Variants in PHEX observed in about 807,000 individuals in gnomAD.
The protein encoded by PHEX is phosphate-regulating neutral endopeptidase PHEX.
Under a neutral mutation model 68.0 loss-of-function variants are expected in PHEX, and 16 were observed. That is an observed-to-expected ratio of 0.24 (90% CI 0.16 to 0.36). The LOEUF (loss-of-function observed/expected upper bound fraction) is 0.36, where lower values mean the gene tolerates loss of function less well. Among genes scored for constraint, PHEX ranks in the 10% least tolerant of loss-of-function variants. The pLI, the probability that PHEX is intolerant of heterozygous loss-of-function variation, is 1.00. For missense variants in PHEX, 480 were observed against 575.5 expected, an observed-to-expected ratio of 0.83 and a Z score of 1.70; for synonymous variants, 208 against 205.1, an observed-to-expected ratio of 1.01 and a Z score of -0.12.
chrX:22,165,499 G>A (rs749831636), intron 12 of PHEX, among the ~76,000 whole-genome samples: 99 of 111,283 alleles, frequency 8.9e-4, no homozygotes, highest in Non-Finnish European at 1.2e-3. Context: ...TGGAGGCAGA[G>A]GCGGAGGCGG....
At chrX:22,069,186 C>T (rs1179714592) in intron 3 of PHEX, among the ~76,000 whole-genome samples, 1 of 110,992 alleles carries the variant, frequency 9.0e-6, no homozygotes, top group Non-Finnish European at 1.9e-5. Flanking sequence ...AAATGCTATA[C>T]GAAAAAACTG....
intron 3 of PHEX, among the ~76,000 whole-genome samples, chrX:22,053,740 A>T (rs939581537): frequency 9.8e-5 from 11 of 112,106 alleles, no homozygotes; most frequent in African/African-American, 3.2e-4. Context: ...TCTATTACGG[A>T]ATAGCTATCT....
chrX:22,112,988 T>C (rs1931047116), intron 10 of PHEX, among the ~76,000 whole-genome samples: 1 of 107,029 alleles, frequency 9.3e-6, no homozygotes. Context: ...TGGGTTAAGA[T>C]ACAAAACAAG....
intron 6 of PHEX, among the ~76,000 whole-genome samples, chrX:22,091,810 T>C (rs986321346): frequency 1.8e-5 from 2 of 112,177 alleles, no homozygotes; most frequent in Non-Finnish European, 3.8e-5. Flanking sequence ...CACAGTTCCA[T>C]GTGGCTGGGG....
chrX:22,059,498 A>C (rs986101346), intron 3 of PHEX, among the ~76,000 whole-genome samples: 1 of 112,423 alleles, frequency 8.9e-6, no homozygotes, highest in African/African-American at 3.2e-5. Context: ...ACAGTAAAAA[A>C]AGTTGTGCTG....
At chrX:22,086,551 G>T (rs2147031477) in intron 5 of PHEX, among the ~76,000 whole-genome samples, 1 of 111,363 alleles carries the variant, frequency 9.0e-6, no homozygotes, top group South Asian at 3.8e-4. Context: ...ATTATCCTTT[G>T]TCTGCTTGGA....
At chrX:22,182,512 T>C (rs566407289) in intron 14 of PHEX, among the ~76,000 whole-genome samples, 1 of 111,086 alleles carries the variant, frequency 9.0e-6, no homozygotes, top group South Asian at 3.8e-4. Flanking sequence ...CCTACCCTCT[T>C]CAGTGCCTCT....
chrX:22,223,880 G>A (rs1315940676), intron 18 of PHEX, among the ~76,000 whole-genome samples: 1 of 112,923 alleles, frequency 8.9e-6, no homozygotes, highest in Non-Finnish European at 1.9e-5. Context: ...AAAGGCTCTG[G>A]AGACAGAAGA....
intron 18 of PHEX, among the ~76,000 whole-genome samples, chrX:22,223,165 C>G (rs1935326154): frequency 8.9e-6 from 1 of 111,980 alleles, no homozygotes; most frequent in Non-Finnish European, 1.9e-5. Context: ...GGGTGGCTTC[C>G]TTTGTGGATA....
intron 11 of PHEX, among the ~76,000 whole-genome samples, chrX:22,121,528 C>T (rs997949983): frequency 8.9e-6 from 1 of 111,914 alleles, no homozygotes; most frequent in Non-Finnish European, 1.9e-5. Flanking sequence ...AGGAGCCTGA[C>T]TAAACTTTGG....
At chrX:22,051,633 C>G (rs1927839341) in intron 3 of PHEX, among the ~76,000 whole-genome samples, 1 of 112,008 alleles carries the variant, frequency 8.9e-6, no homozygotes, top group African/African-American at 3.2e-5. Flanking sequence ...GCACAAGGAA[C>G]TTCTATGTAC....
At position 22,131,530 on chromosome X, in the gene PHEX, AC is replaced by A. The variant is rs1352249953; in HGVS notation, c.1303-1988del. Reference sequence around the variant, plus strand: ...AAGAAATAGCTGTGAAGCTCCCCCGACCCCCTTCCATCTGCTGTTTGTTCTT... The same window carrying A: ...AAGAAATAGCTGTGAAGCTCCCCCGACCCCTTCCATCTGCTGTTTGTTCTT... On this transcript the variant is annotated intron_variant, in intron 11 of 21. Transcript: ENST00000379374. Among the ~76,000 whole-genome samples the A allele has an allele frequency of 1.8e-5, 2 of 112,380 alleles. 1 individual carries two copies. The highest frequency in any genetic ancestry group is 5.6e-4 in the East Asian group (2 of 3,578).
intron 12 of PHEX, among the ~76,000 whole-genome samples, chrX:22,162,309 A>G (rs1440961616): frequency 8.9e-6 from 1 of 112,448 alleles, no homozygotes; most frequent in Non-Finnish European, 1.9e-5. Context: ...TTGCCTCAAT[A>G]GCTTTTCTCC....
At position 22,149,186 on chromosome X, in the gene PHEX, A is replaced by G. The variant is rs554361276; in HGVS notation, c.1404+15562A>G. 3.8e-4 allele frequency among the ~76,000 whole-genome samples: 43 copies of G among 112,030 alleles called. No individual in the cohort carries two copies. The South Asian group carries it at 0.016, about 42-fold the overall frequency. ...CTGTGTCTTTGTTTAGCTAAGGTGA[A>G]GGGGACAGGTCTGCCACCCTGGTAT... On this transcript the variant is annotated intron_variant, in intron 12 of 21. Coordinates refer to ENST00000379374, the MANE Select transcript of PHEX (RefSeq NM_000444.6).
intron 10 of PHEX, among the ~76,000 whole-genome samples, chrX:22,113,551 T>C (rs1931086609): frequency 8.9e-6 from 1 of 112,000 alleles, no homozygotes; most frequent in Non-Finnish European, 1.9e-5. Context: ...CTTGCAATGG[T>C]ATAATTGGGA....
At position 22,092,179 on chromosome X, in the gene PHEX, C is replaced by T. The variant is rs145739482; in HGVS notation, c.732+1682C>T. ...TTCTCTCAGATCTTCAGTTTCCAAG[C>T]GTGTAGCAGCTTTATTAAGGAAGTT... On this transcript the variant is annotated intron_variant, in intron 6 of 21. Transcript: ENST00000379374. 1.7e-4 allele frequency among the ~76,000 whole-genome samples: 19 copies of T among 111,297 alleles called. 1 individual carries two copies. Among genetic ancestry groups the T allele is most frequent in the East Asian group, 8.5e-4 (3 of 3,534 alleles).
intron 3 of PHEX, among the ~76,000 whole-genome samples, chrX:22,055,027 T>G (rs1928012788): frequency 9.3e-6 from 1 of 107,179 alleles, no homozygotes; most frequent in East Asian, 2.9e-4. Flanking sequence ...CAGAAAAAAT[T>G]AGCTGTGCAT....
At chrX:22,241,977 AAG>A (rs1936220249) in intron 20 of PHEX, among the ~76,000 whole-genome samples, 1 of 111,988 alleles carries the variant, frequency 8.9e-6, no homozygotes, top group Non-Finnish European at 1.9e-5. Flanking sequence ...ACAACAAAAA[AAG>A]AGAATTTTAG....
chrX:22,069,475 A>G (rs1041801621), intron 3 of PHEX, among the ~76,000 whole-genome samples: 1 of 111,953 alleles, frequency 8.9e-6, no homozygotes, highest in Admixed American at 9.5e-5. Flanking sequence ...GCAATTTTAT[A>G]TAATTAATTT....
Sources: allele counts gnomAD v4.1 joint callset (sites outside exome capture counted in the v4.1 genomes callset), GRCh38; gene constraint gnomAD v4.1.1; transcripts MANE v1.5; gene names NCBI Gene and HGNC (gene_info 2026-07-23, HGNC 2026-07-21).